The following OGDH variants were observed in gnomAD, a reference collection of about 807,000 sequenced individuals.
OGDH encodes the protein 2-oxoglutarate dehydrogenase complex component E1.
Under a neutral mutation model 116.6 loss-of-function variants are expected in OGDH, and 38 were observed. The ratio of observed to expected loss-of-function variants is 0.33; its 90% CI spans 0.25 to 0.43. OGDH has a LOEUF of 0.43. OGDH is among the 20% of genes least tolerant of loss of function. The pLI is 1.00. For missense variants in OGDH, 825 were observed against 1,357.2 expected (o/e 0.61, Z 6.16); for synonymous variants, 488 against 533.3 (o/e 0.92, Z 1.17).
At position 44,697,846 on chromosome 7, in the gene OGDH, C is replaced by T. The variant is rs902645960; in HGVS notation, c.2358+64C>T. ...GGAAGGGCCTGTGTAGGACCCTGACCCCAAAGACTGGCACGAGAGCCAGTG... is the reference window on the plus strand; with the variant it reads ...GGAAGGGCCTGTGTAGGACCCTGACTCCAAAGACTGGCACGAGAGCCAGTG... On this transcript the variant is annotated intron_variant, in intron 17 of 22. Transcript: ENST00000222673. The surrounding 1 kb of genome is among the most constrained non-coding windows in gnomAD (Gnocchi z 6.0). 2.0e-6 allele frequency: 3 copies of T among 1,534,364 alleles called. No homozygotes were observed. Among genetic ancestry groups the T allele is most frequent in the Non-Finnish European group, 2.6e-6 (3 of 1,142,718 alleles).
chr7:44,634,258 AG>A (rs1004302296), intron 2 of OGDH, among the ~76,000 whole-genome samples: 12 of 152,338 alleles, frequency 7.9e-5, no homozygotes, highest in Admixed American at 5.2e-4. Flanking sequence ...GGGGCCTTTG[AG>A]GCCTAGGTCC....
At chr7:44,683,242 T>C (rs1025303482) in intron 10 of OGDH, among the ~76,000 whole-genome samples, 24 of 152,358 alleles carry the variant, frequency 1.6e-4, no homozygotes, top group African/African-American at 5.5e-4. Flanking sequence ...TTTTTGTTTG[T>C]TTGTTTGAGA....
Position 44,697,272 on chromosome 7 carries a change from C to A in OGDH, c.2052-98C>A. Reference sequence around the variant, plus strand: ...CAGCTGCCTGGCCAGAAGTCCAGGTCACAGAGCATGGCATCTGCTGGTGCT... The same window carrying A: ...CAGCTGCCTGGCCAGAAGTCCAGGTAACAGAGCATGGCATCTGCTGGTGCT... On this transcript the variant is annotated intron_variant, in intron 15 of 22. Transcript: ENST00000222673. This position sits in a 1 kb window ranked among gnomAD's most constrained non-coding sequence, Gnocchi z 6.0. 14 of 1,545,318 alleles carry A rather than the reference C, an allele frequency of 9.1e-6. No individual in the cohort carries two copies. The highest frequency in any genetic ancestry group is 1.2e-5 in the Non-Finnish European group (14 of 1,133,328).
At chr7:44,647,479 C>T (rs920749380) in intron 3 of OGDH, 178 bp from the exon 4 acceptor site, 30 of 1,538,668 alleles carry the variant, frequency 1.9e-5, no homozygotes, top group Middle Eastern at 1.7e-4. Context: ...TTGATCCTCT[C>T]GGAATTAGTT....
rs1375209715 is a variant in OGDH, at chr7:44,697,398, A to C, written c.2080A>C (p.Asn694His). ...SHRHHVLHDQNVDKRTCIPMN... is the reference protein window; with the variant it reads ...SHRHHVLHDQHVDKRTCIPMN... Reference sequence around the variant, plus strand: ...CCGCCACCATGTGCTCCATGACCAGAATGTGGACAAGAGAACCTGCATCCC... The same window carrying C: ...CCGCCACCATGTGCTCCATGACCAGCATGTGGACAAGAGAACCTGCATCCC... The change falls in exon 16 of 23, where the codon AAT becomes CAT. Residue 694 changes from asparagine to histidine, a missense_variant. Around this residue, in one of 7 missense-constraint regions of OGDH, gnomAD observed 73 missense variants for 182.3 expected, o/e 0.40. Coordinates refer to ENST00000222673, the MANE Select transcript of OGDH (RefSeq NM_002541.4). This position sits in a 1 kb window ranked among gnomAD's most constrained non-coding sequence, Gnocchi z 6.0. The C allele has an allele frequency of 6.2e-7, 1 of 1,614,134 alleles. No homozygotes were observed. Among genetic ancestry groups the C allele is most frequent in the Non-Finnish European group, 8.5e-7 (1 of 1,180,010 alleles).
At chr7:44,647,576 C>CT (rs113649447) in intron 3 of OGDH, 81 bp from the exon 4 acceptor site, 208,228 of 1,550,360 alleles carry the variant, frequency 0.13, 12,417 homozygotes, top group Non-Finnish European at 0.15. Flanking sequence ...TGTAATTTTA[C>CT]TTTTTTTTTA....
Position 44,707,081 on chromosome 7 carries a change from C to A in OGDH, c.2633-144C>A. The A allele has an allele frequency of 1.3e-6, 1 of 760,200 alleles. No individual in the cohort carries two copies. The highest frequency in any genetic ancestry group is 2.1e-6 in the Non-Finnish European group (1 of 474,464). The allele number at this position is 760,200 out of a possible 1,614,324, so 47.1% of individuals were successfully genotyped here. A position where few individuals can be genotyped will look rare whatever the true frequency, so the allele number is the denominator to read the frequency against. On this transcript the variant is annotated intron_variant, in intron 20 of 22. Transcript: ENST00000222673. This position sits in a 1 kb window ranked among gnomAD's most constrained non-coding sequence, Gnocchi z 5.2. ...GTGCCTGGTCTGAGCAAATACAGGG[C>A]ATCAGAGGCTGGTGAAGGGGAAGCA...
chr7:44,706,933 T>C (rs1562695192), intron 20 of OGDH, among the ~76,000 whole-genome samples: 1 of 152,220 alleles, frequency 6.6e-6, no homozygotes, highest in Non-Finnish European at 1.5e-5. Context: ...CGGGATGTTT[T>C]AATAATACTC....
At position 44,696,940 on chromosome 7, in the gene OGDH, G is replaced by A. The variant is rs1788606385; in HGVS notation, c.1927G>A (p.Gly643Arg). Residue 643 changes from glycine (G) to arginine (R), a missense_variant, in exon 15 of 23, where the codon GGG becomes AGG. By Grantham distance (125) the Gly-to-Arg change is moderately radical. Coordinates refer to ENST00000222673, the MANE Select transcript of OGDH (RefSeq NM_002541.4). ...GGLSRILKTR[G>R]EMVKNRTVDW... ...GCTGAGCCGGATCTTGAAGACTCGT[G>A]GGGAAATGGTGAAGAACCGGACTGT... The A allele has an allele frequency of 1.9e-6, 3 of 1,613,466 alleles. No individual in the cohort carries two copies. The Admixed American group carries it at 5.0e-5, about 27-fold the overall frequency.
rs751979723 is a variant in OGDH, at chr7:44,645,423, G to A, written c.319G>A (p.Val107Met). Residue 107 changes from valine (V) to methionine (M), a missense_variant, in exon 3 of 23, where the codon GTG becomes ATG. By Grantham distance (21) the Val-to-Met change is conservative. Around this residue, in one of 7 missense-constraint regions of OGDH, gnomAD observed 126 missense variants for 130.4 expected, o/e 0.97. Transcript: ENST00000222673. ...LPLSRGSLAA[V>M]AHAQSLVEAQ... Reference sequence around the variant, plus strand: ...CCTGAGCCGAGGCTCCCTGGCTGCTGTGGCCCATGCACAGTCCCTGGTAGA... The same window carrying A: ...CCTGAGCCGAGGCTCCCTGGCTGCTATGGCCCATGCACAGTCCCTGGTAGA... The A allele has an allele frequency of 4.3e-5, 70 of 1,614,086 alleles. No individual in the cohort carries two copies. The highest frequency in any genetic ancestry group is 6.7e-5 in the East Asian group (3 of 44,896).
chr7:44,646,360 G>T (rs1786181173), intron 3 of OGDH, among the ~76,000 whole-genome samples: 1 of 152,248 alleles, frequency 6.6e-6, no homozygotes, highest in African/African-American at 2.4e-5. Context: ...GTTTCTGGTG[G>T]CATGGGCCAT....
At chr7:44,640,722 A>G (rs975938840) in intron 2 of OGDH, among the ~76,000 whole-genome samples, 2 of 152,138 alleles carry the variant, frequency 1.3e-5, no homozygotes, top group Non-Finnish European at 2.9e-5. Context: ...GCTGTTCTCC[A>G]GTACTTACTG....
At chr7:44,629,099 A>T (rs1330546897) in intron 2 of OGDH, among the ~76,000 whole-genome samples, 1 of 152,226 alleles carries the variant, frequency 6.6e-6, no homozygotes, top group Admixed American at 6.5e-5. Flanking sequence ...TCAAATGATG[A>T]CATCTTTATT....
chr7:44,681,785 C>T lies in OGDH; in HGVS notation c.1272C>T (p.Phe424=). The change falls in exon 10 of 23, where the codon TTC becomes TTT. Residue 424 remains phenylalanine (F), a synonymous_variant. Transcript: ENST00000222673. ...GCCAGGGCATTGTGTACGAGACCTT[C>T]CACCTCAGCGACCTGCCATCCTACA... The part of the protein sequence containing the change: ...FAGQGIVYET[F]HLSDLPSYTT... The T allele has an allele frequency of 6.2e-7, 1 of 1,614,108 alleles. No homozygotes were observed. The highest frequency in any genetic ancestry group is 8.5e-7 in the Non-Finnish European group (1 of 1,180,022).
intron 20 of OGDH, among the ~76,000 whole-genome samples, chr7:44,705,134 G>A (rs1308556431): frequency 1.5e-5 from 2 of 129,838 alleles, no homozygotes; most frequent in Non-Finnish European, 3.2e-5. Flanking sequence ...CTCACTGCAA[G>A]CTCCACCTCC....
intron 1 of OGDH, among the ~76,000 whole-genome samples, chr7:44,616,211 C>T (rs1703959390): frequency 6.6e-6 from 1 of 152,036 alleles, no homozygotes; most frequent in Admixed American, 6.6e-5. Flanking sequence ...AAAAATTGTC[C>T]TGCTTTCCAT....
chr7:44,624,952 C>T (rs997844635), intron 2 of OGDH, among the ~76,000 whole-genome samples: 2 of 152,152 alleles, frequency 1.3e-5, no homozygotes, highest in Non-Finnish European at 2.9e-5. Flanking sequence ...TGTAACATGC[C>T]GTAGTCACCT....
intron 20 of OGDH, among the ~76,000 whole-genome samples, chr7:44,703,565 C>T (rs1788936126): frequency 6.6e-6 from 1 of 151,558 alleles, no homozygotes; most frequent in Admixed American, 6.6e-5. Context: ...ACGAAAAATA[C>T]AAAAATTAGC....
intron 2 of OGDH, among the ~76,000 whole-genome samples, chr7:44,628,341 T>C (rs1785288367): frequency 6.6e-6 from 1 of 152,196 alleles, no homozygotes; most frequent in Non-Finnish European, 1.5e-5. Flanking sequence ...AAAGCTGCCC[T>C]TTTACATTTT....
Sources: allele counts gnomAD v4.1 joint callset (sites outside exome capture counted in the v4.1 genomes callset), GRCh38; gene constraint gnomAD v4.1.1; regional missense constraint gnomAD v4.1.1; non-coding constraint Gnocchi (gnomAD v3.1); transcripts MANE v1.5; gene names NCBI Gene and HGNC (gene_info 2026-07-23, HGNC 2026-07-21).